The following PCNX4 variants were observed in gnomAD, a reference collection of about 807,000 sequenced individuals.
The protein encoded by PCNX4 is pecanex-like protein 4.
Under a neutral mutation model 107.2 loss-of-function variants are expected in PCNX4, and 103 were observed. The ratio of observed to expected loss-of-function variants is 0.96; its 90% CI spans 0.82 to 1.13. The LOEUF (loss-of-function observed/expected upper bound fraction) is 1.13, where lower values mean the gene tolerates loss of function less well. PCNX4 is among the 50% of genes most tolerant of loss of function. The pLI, the probability that PCNX4 is intolerant of heterozygous loss-of-function variation, is 0.00. For synonymous variants in PCNX4, 541 were observed against 481.7 expected, an observed-to-expected ratio of 1.12 and a Z score of -1.61; for missense variants, 1,528 against 1,379.4, an observed-to-expected ratio of 1.11 and a Z score of -1.71.
At chr14:60,118,206 GA>G in intron 6 of PCNX4, 122 bp from the exon 7 acceptor site, 1 of 1,288,028 alleles carries the variant, frequency 7.8e-7, no homozygotes, top group Non-Finnish European at 1.0e-6. Context: ...CAAAGAATAA[GA>G]TTTATTTCTT....
At position 60,146,176 on chromosome 14, in the gene PCNX4, A is replaced by G. The variant is rs1324502673; in HGVS notation, c.*11955A>G. The stretch of plus-strand genomic sequence containing the variant: ...GTAGTAAGACTATATAATAAGCAAT[A>G]TTTCAAAGATGGTGGTAGGAAGAAA... On this transcript the variant is annotated 3_prime_UTR_variant, in exon 11 of 11. Coordinates refer to ENST00000406854, the MANE Select transcript of PCNX4 (RefSeq NM_001330177.2). The surrounding 1 kb of genome is among the most constrained non-coding windows in gnomAD (Gnocchi z 4.9). 2 of 152,032 alleles carry G rather than the reference A, an allele frequency of 1.3e-5. No individual in the cohort carries two copies. The highest frequency in any genetic ancestry group is 2.4e-5 in the African/African-American group (1 of 41,442). The allele number at this position is 152,032 out of a possible 1,614,324, so 9.4% of individuals were successfully genotyped here.
At chr14:60,095,278 G>A (rs1238994612) in intron 1 of PCNX4, among the ~76,000 whole-genome samples, 5 of 152,198 alleles carry the variant, frequency 3.3e-5, no homozygotes, top group African/African-American at 1.2e-4. Flanking sequence ...AAAAGGGGCA[G>A]AGGAAAATAT....
intron 8 of PCNX4, 81 bp from the exon 9 acceptor site, chr14:60,124,137 C>CT: frequency 1.8e-6 from 2 of 1,125,956 alleles, no homozygotes; most frequent in Non-Finnish European, 2.4e-6. Context: ...TGATGAGAAT[C>CT]TATGGGCATT....
At chr14:60,117,623 T>C (rs757021587) in intron 6 of PCNX4, among the ~76,000 whole-genome samples, 3 of 152,218 alleles carry the variant, frequency 2.0e-5, no homozygotes, top group Non-Finnish European at 4.4e-5. Flanking sequence ...AGAACACATT[T>C]CTTAGAACAT....
chr14:60,124,376 G>A lies in PCNX4; in HGVS notation c.2205G>A (p.Leu735=). 2 of 1,613,386 alleles carry A rather than the reference G, an allele frequency of 1.2e-6. No individual in the cohort carries two copies. ...LTPCTVLPVK[L]YSDARNVLSG... Reference sequence around the variant, plus strand: ...CCTGTACTGTTTTGCCTGTGAAATTGTATTCTGATGCCAGGAATGTTCTAT... The same window carrying A: ...CCTGTACTGTTTTGCCTGTGAAATTATATTCTGATGCCAGGAATGTTCTAT... Residue 735 remains leucine (L), a synonymous_variant, in exon 9 of 11, where the codon TTG becomes TTA. Coordinates refer to ENST00000406854, the MANE Select transcript of PCNX4 (RefSeq NM_001330177.2).
At chr14:60,117,830 G>C (rs575812421) in intron 6 of PCNX4, among the ~76,000 whole-genome samples, 1 of 152,060 alleles carries the variant, frequency 6.6e-6, no homozygotes, top group Non-Finnish European at 1.5e-5. Flanking sequence ...TTGATTATTC[G>C]TAAATGTTCT....
chr14:60,122,847 A>C (rs1400998469), intron 8 of PCNX4, among the ~76,000 whole-genome samples: 1 of 152,128 alleles, frequency 6.6e-6, no homozygotes, highest in African/African-American at 2.4e-5. Context: ...TTGTACTAGC[A>C]CAGATTGGAT....
At chr14:60,133,697 G>T in intron 10 of PCNX4, 1 of 587,724 alleles carries the variant, frequency 1.7e-6, no homozygotes, top group Non-Finnish European at 3.2e-6. Context: ...ATCAGAAAAG[G>T]CAGACAAAGA....
chr14:60,115,120 A>C lies in PCNX4; in HGVS notation c.1016A>C (p.Lys339Thr). The C allele has an allele frequency of 3.1e-6, 5 of 1,613,900 alleles. No homozygotes were observed. Among genetic ancestry groups the C allele is most frequent in the Non-Finnish European group, 4.2e-6 (5 of 1,179,856 alleles). ...LSDMGHKIGT[K>T]SKDLPSGPEK... ...GATATGGGTCACAAAATTGGAACCA[A>C]ATCTAAGGATTTACCCAGTGGTCCG... Residue 339 changes from lysine (K) to threonine (T), a missense_variant, in exon 4 of 11, where the codon AAA (lysine) becomes ACA (threonine). Transcript: ENST00000406854.
rs1247433867 is a variant in PCNX4, at chr14:60,126,511, A to G, written c.3267+688A>G. 3.3e-5 allele frequency among the ~76,000 whole-genome samples: 5 copies of G among 152,324 alleles called. No homozygotes were observed. In the East Asian group the frequency reaches 7.7e-4, roughly 23 times the overall value. ...CAGCAAATGAACACACATTTATTCA[A>G]AGAAATCTGCTAAAACCCAGTGAGA... On this transcript the variant is annotated intron_variant, in intron 10 of 10. Coordinates refer to ENST00000406854, the MANE Select transcript of PCNX4 (RefSeq NM_001330177.2).
rs1166736198 is a variant in PCNX4, at chr14:60,138,993, CAAAAT to C, written c.*4777_*4781del. ...TAACCACTAAAAGAACAGCAAAAAG[CAAAAT>C]AAAACAATCGTAGAACTACAAAGCT... On this transcript the variant is annotated 3_prime_UTR_variant, in exon 11 of 11. Transcript: ENST00000406854. The C allele has an allele frequency of 2.2e-5, 3 of 135,088 alleles. No individual in the cohort carries two copies. Among genetic ancestry groups the C allele is most frequent in the South Asian group, 2.6e-4 (1 of 3,844 alleles). The allele number at this position is 135,088 out of a possible 1,614,324, so 8.4% of individuals were successfully genotyped here.
intron 9 of PCNX4, 83 bp from the exon 10 acceptor site, chr14:60,125,554 A>C (rs916932432): frequency 1.1e-5 from 11 of 1,040,990 alleles, no homozygotes; most frequent in African/African-American, 1.7e-5. Flanking sequence ...CAATGTCTTA[A>C]AATATTGGTT....
chr14:60,123,340 A>G (rs1020660425), intron 8 of PCNX4, among the ~76,000 whole-genome samples: 7 of 152,064 alleles, frequency 4.6e-5, no homozygotes, highest in Non-Finnish European at 8.8e-5. Context: ...AAAACATGCA[A>G]CCTTCACAAC....
chr14:60,098,254 C>T (rs1595158691), intron 1 of PCNX4, among the ~76,000 whole-genome samples: 2 of 152,284 alleles, frequency 1.3e-5, no homozygotes, highest in East Asian at 3.9e-4. Flanking sequence ...AAGCTTCTCC[C>T]CCATGCAGAA....
rs1364089487 is a variant in PCNX4, at chr14:60,124,957, T to A, written c.2786T>A (p.Met929Lys). 6 of 1,613,710 alleles carry A rather than the reference T, an allele frequency of 3.7e-6. No homozygotes were observed. Among genetic ancestry groups the A allele is most frequent in the Non-Finnish European group, 5.1e-6 (6 of 1,179,786 alleles). ...SCMPSSKMKEMSSLFPEDWYQ... is the reference protein window; with the variant it reads ...SCMPSSKMKEKSSLFPEDWYQ... ...ATGCCCAGTTCCAAAATGAAGGAGA[T>A]GAGCTCGTTATTTCCAGAAGACTGG... is the stretch of plus-strand genomic sequence containing the variant. The change falls in exon 9 of 11, where the codon ATG becomes AAG. Residue 929 changes from methionine (M) to lysine (K), a missense_variant. Coordinates refer to ENST00000406854, the MANE Select transcript of PCNX4 (RefSeq NM_001330177.2).
At chr14:60,133,827 T>A (rs1896197992) in intron 10 of PCNX4, 143 bp from the exon 11 acceptor site, 1 of 784,776 alleles carries the variant, frequency 1.3e-6, no homozygotes, top group Admixed American at 2.8e-5. Flanking sequence ...TGTACATTTT[T>A]AAACACTACT....
Position 60,108,122 on chromosome 14 carries a change from A to G in PCNX4, c.484A>G (p.Arg162Gly). 6.2e-7 allele frequency: 1 copy of G among 1,612,896 alleles called. No homozygotes were observed. Among genetic ancestry groups the G allele is most frequent in the Non-Finnish European group, 8.5e-7 (1 of 1,179,886 alleles). The change falls in exon 2 of 11, where the codon AGA becomes GGA. Residue 162 changes from arginine to glycine, a missense_variant. Transcript: ENST00000406854. ...GLGTWYLLPN[R>G]ITLLYGSTGG... is the part of the protein sequence containing the mutation. ...TGGAACATGGTATCTGCTCCCAAAT[A>G]GAATAACCTTGCTGTATGGCAGTAC...
At chr14:60,121,361 T>C (rs1267017531) in intron 8 of PCNX4, 62 bp downstream of exon 8, 1 of 1,513,810 alleles carries the variant, frequency 6.6e-7, no homozygotes, top group Non-Finnish European at 9.0e-7. Context: ...TTTTACCTGT[T>C]ATGTTCACAT....
At chr14:60,131,339 C>A (rs570755498) in intron 10 of PCNX4, among the ~76,000 whole-genome samples, 5 of 152,228 alleles carry the variant, frequency 3.3e-5, no homozygotes, top group African/African-American at 1.2e-4. Flanking sequence ...AACTAAAAAG[C>A]TTAGAACTGA....
Sources: allele counts gnomAD v4.1 joint callset (sites outside exome capture counted in the v4.1 genomes callset), GRCh38; gene constraint gnomAD v4.1.1; non-coding constraint Gnocchi (gnomAD v3.1); transcripts MANE v1.5; gene names NCBI Gene and HGNC (gene_info 2026-07-23, HGNC 2026-07-21).